ETHE1: variants seen among roughly 807,000 people sequenced by gnomAD.
The protein encoded by ETHE1 is ETHE1 persulfide dioxygenase.
A neutral mutation model predicts 25.7 loss-of-function variants in ETHE1; 16 were observed. The observed-to-expected ratio is 0.62, with a 90% CI of 0.42 to 0.95. The LOEUF (loss-of-function observed/expected upper bound fraction) is 0.95. Ranked by LOEUF, ETHE1 falls within the 40% of genes least tolerant of loss-of-function variation. The pLI, the probability that ETHE1 is intolerant of heterozygous loss-of-function variation, is 0.00. For missense variants in ETHE1, 300 were observed against 333.6 expected, an observed-to-expected ratio of 0.90 and a Z score of 0.79; for synonymous variants, 139 against 135.9, an observed-to-expected ratio of 1.02 and a Z score of -0.16.
intron 1 of ETHE1, chr19:43,526,877 G>C: frequency 6.8e-7 from 1 of 1,472,834 alleles, no homozygotes; most frequent in Non-Finnish European, 8.9e-7. Flanking sequence ...TCCCCAGCAC[G>C]TTCTTTCATA....
At chr19:43,523,423 C>A (rs942777864) in intron 3 of ETHE1, among the ~76,000 whole-genome samples, 3 of 151,944 alleles carry the variant, frequency 2.0e-5, no homozygotes, top group Non-Finnish European at 2.9e-5. Context: ...ATTACAGGTG[C>A]CTCACCACCA....
chr19:43,508,166 C>T, intron 5 of ETHE1, 106 bp from the exon 6 acceptor site: 8 of 1,533,958 alleles, frequency 5.2e-6, no homozygotes. Context: ...AGGGGCTCTT[C>T]CCAGAATATT....
chr19:43,511,622 T>G (rs1027813682), intron 3 of ETHE1, 56 bp from the exon 4 acceptor site: 7 of 1,595,892 alleles, frequency 4.4e-6, no homozygotes, highest in Admixed American at 1.7e-5. Context: ...TAGATGAAAC[T>G]GGCCCCCAAA....
chr19:43,525,396 C>T (rs2146017112), intron 3 of ETHE1: 1 of 152,400 alleles, frequency 6.6e-6, no homozygotes. Context: ...TGGCAAAACT[C>T]TCTAACCTGG....
chr19:43,526,398 G>A, intron 2 of ETHE1, 49 bp from the exon 3 acceptor site: 2 of 1,612,224 alleles, frequency 1.2e-6, no homozygotes, highest in South Asian at 2.2e-5. Context: ...AAGGACCTGG[G>A]AGTCCCAGCC....
rs895036898 is a variant in ETHE1 at position 43,506,846 on chromosome 19, G to A, written c.*4C>T. On this transcript the variant is annotated 3_prime_UTR_variant, in exon 7 of 7. Coordinates refer to ENST00000292147, the MANE Select transcript of ETHE1 (RefSeq NM_014297.5). ...GTGGATGGGAGCATCTGACAGAAGT[G>A]AGATCAGGCAGTGGGTGTCTGCACC... 6.2e-7 allele frequency: 1 copy of A among 1,612,812 alleles called. No individual in the cohort carries two copies. Among genetic ancestry groups the A allele is most frequent in the African/African-American group, 1.3e-5 (1 of 75,000 alleles).
chr19:43,508,627 G>A, intron 5 of ETHE1, 148 bp downstream of exon 5: 1 of 736,688 alleles, frequency 1.4e-6, no homozygotes, highest in Admixed American at 2.0e-5. Context: ...ACAAGTGTGA[G>A]CCCCCTTGCC....
chr19:43,523,738 C>T (rs1972182293), intron 3 of ETHE1, among the ~76,000 whole-genome samples: 1 of 151,924 alleles, frequency 6.6e-6, no homozygotes, highest in Non-Finnish European at 1.5e-5. Flanking sequence ...GAGTTTGAGA[C>T]CAGCCTGGCC....
In ETHE1 at chr19:43,521,249, C is replaced by T. The variant is rs116709171; in HGVS notation, c.375+4952G>A. ...GGAGAGGCTGAGGCAGAAGGATCAC[C>T]GAAAGGCGGAGGTTGCAGTGAGCCG... On this transcript the variant is annotated intron_variant, in intron 3 of 6. Transcript: ENST00000292147. Among the ~76,000 whole-genome samples, 603 of 152,106 alleles carry T rather than the reference C, an allele frequency of 4.0e-3. 2 individuals are homozygous for T. Among genetic ancestry groups the T allele is most frequent in the African/African-American group, 7.9e-3 (330 of 41,514 alleles).
Position 43,508,146 on chromosome 19 carries a change from C to T in ETHE1, c.596-86G>A. On this transcript the variant is annotated intron_variant, in intron 5 of 6. Coordinates refer to ENST00000292147, the MANE Select transcript of ETHE1 (RefSeq NM_014297.5). ...TACATTCCCCAGGAGGCCTTGGGTG[C>T]CTCTCTGGCAGGGGCTCTTCCCAGA... is the stretch of plus-strand genomic sequence containing the variant. 3 of 1,579,766 alleles carry T rather than the reference C, an allele frequency of 1.9e-6. No individual in the cohort carries two copies. In the East Asian group the frequency reaches 6.8e-5, roughly 36 times the overall value.
chr19:43,520,813 C>T (rs924294464), intron 3 of ETHE1, among the ~76,000 whole-genome samples: 48 of 152,086 alleles, frequency 3.2e-4, no homozygotes, highest in African/African-American at 1.1e-3. Flanking sequence ...AGTATTGAAA[C>T]CCACACTTGA....
chr19:43,517,305 T>C (rs1038986796), intron 3 of ETHE1, among the ~76,000 whole-genome samples: 7 of 14,574 alleles, frequency 4.8e-4, no homozygotes, highest in African/African-American at 2.1e-3. Flanking sequence ...CTGACCACTT[T>C]AAGGTAAAGT....
In ETHE1 at chr19:43,526,194, A is replaced by T; in HGVS notation, c.375+7T>A. 6.2e-7 allele frequency: 1 copy of T among 1,614,080 alleles called. No individual in the cohort carries two copies. The highest frequency in any genetic ancestry group is 8.5e-7 in the Non-Finnish European group (1 of 1,179,992). On this transcript the variant is annotated splice_region_variant and intron_variant, in intron 3 of 6. Transcript: ENST00000292147. ...CCACCCTCTTGGGGACCCAGCACCC[A>T]ACTCACGAAGCGCCCGAAGCGGATG...
chr19:43,514,606 C>T (rs1489855248), intron 3 of ETHE1, among the ~76,000 whole-genome samples: 1 of 151,736 alleles, frequency 6.6e-6, no homozygotes, highest in African/African-American at 2.4e-5. Context: ...CTGCCTCAGC[C>T]TCCTGAGTAG....
chr19:43,520,166 T>C (rs996210395), intron 3 of ETHE1, among the ~76,000 whole-genome samples: 1 of 151,368 alleles, frequency 6.6e-6, no homozygotes, highest in Non-Finnish European at 1.5e-5. Context: ...CTGGCCAACA[T>C]GGTGAAACCC....
chr19:43,524,338 T>A (rs2599458), intron 3 of ETHE1, among the ~76,000 whole-genome samples: 60,605 of 148,200 alleles, frequency 0.41, 12,313 homozygotes, highest in South Asian at 0.53. Flanking sequence ...TAAACCAAGA[T>A]CGCACCACTG....
Position 43,526,637 on chromosome 19 carries a change from G to A in ETHE1, c.104C>T (p.Thr35Ile). The change falls in exon 2 of 7, where the codon ACC becomes ATC. Residue 35 changes from threonine to isoleucine, a missense_variant. Thr to Ile is a moderately conservative substitution (Grantham distance 89). Coordinates refer to ENST00000292147, the MANE Select transcript of ETHE1 (RefSeq NM_014297.5). ...LRQMFEPVSC[T>I]FTYLLGDRES... ...TCTGTCACCCAGCAGGTACGTGAAG[G>A]TGCAGCTCACAGGCTCGAACATCTG... 2.5e-6 allele frequency: 4 copies of A among 1,614,002 alleles called. No individual in the cohort carries two copies. Among genetic ancestry groups the A allele is most frequent in the Non-Finnish European group, 2.5e-6 (3 of 1,180,024 alleles).
intron 3 of ETHE1, among the ~76,000 whole-genome samples, chr19:43,523,945 T>A (rs577951568): frequency 4.7e-5 from 7 of 148,602 alleles, no homozygotes; most frequent in African/African-American, 1.7e-4. Flanking sequence ...AAAAAATAAA[T>A]AAAAATGTGC....
chr19:43,516,212 T>C (rs918074638), intron 3 of ETHE1, among the ~76,000 whole-genome samples: 2 of 152,130 alleles, frequency 1.3e-5, no homozygotes, highest in Non-Finnish European at 1.5e-5. Flanking sequence ...TCAAAATTAC[T>C]GGGCAGTTTC....
Sources: gnomAD v4.1 joint callset for allele counts (sites outside exome capture counted in the v4.1 genomes callset) on GRCh38, gnomAD v4.1.1 for gene constraint, MANE v1.5 for transcripts, NCBI Gene and HGNC (gene_info 2026-07-23, HGNC 2026-07-21) for gene names.